Variants in ENOX1 observed in about 807,000 individuals in gnomAD.
The protein encoded by ENOX1 is ecto-NOX disulfide-thiol exchanger 1.
A neutral mutation model predicts 82.5 loss-of-function variants in ENOX1; 42 were observed. The ratio of observed to expected loss-of-function variants is 0.51; its 90% CI spans 0.40 to 0.66. The LOEUF is 0.66. ENOX1 is among the 30% of genes least tolerant of loss of function. The probability of loss-of-function intolerance (pLI) is 0.00; values close to 1 mark genes in which losing one functional copy is unlikely to be tolerated. For missense variants in ENOX1, 608 were observed against 811.6 expected, an observed-to-expected ratio of 0.75 and a Z score of 3.05; for synonymous variants, 271 against 282.2, an observed-to-expected ratio of 0.96 and a Z score of 0.40.
intron 1 of ENOX1, among the ~76,000 whole-genome samples, chr13:43,759,299 T>C (rs1167762372): frequency 6.6e-6 from 1 of 152,040 alleles, no homozygotes; most frequent in Non-Finnish European, 1.5e-5. Context: ...GGTTTCACCA[T>C]GTTGGCCATG....
At chr13:43,376,096 C>T (rs1408627787) in intron 5 of ENOX1, among the ~76,000 whole-genome samples, 1 of 152,192 alleles carries the variant, frequency 6.6e-6, no homozygotes, top group Non-Finnish European at 1.5e-5. Context: ...TTAGCTTGGA[C>T]ATTCATGCCC....
chr13:43,719,128 T>C (rs2088369273), intron 1 of ENOX1, among the ~76,000 whole-genome samples: 2 of 152,170 alleles, frequency 1.3e-5, no homozygotes, highest in Non-Finnish European at 2.9e-5. Flanking sequence ...TAATTCCCAC[T>C]GGCAACCATT....
intron 3 of ENOX1, among the ~76,000 whole-genome samples, chr13:43,471,525 T>C (rs1275523390): frequency 6.6e-6 from 1 of 152,120 alleles, no homozygotes; most frequent in African/African-American, 2.4e-5. Flanking sequence ...TTGAAATGTG[T>C]CCAAGCCAGA....
At chr13:43,228,403 T>G (rs1054949771) in intron 15 of ENOX1, among the ~76,000 whole-genome samples, 3 of 152,042 alleles carry the variant, frequency 2.0e-5, no homozygotes, top group Non-Finnish European at 4.4e-5. Context: ...GGAAAAAAAA[T>G]TTTAAGTGCC....
rs867549530 is a variant in ENOX1, at chr13:43,470,218, G to A, written c.-75+13791C>T. 5.5e-3 allele frequency among the ~76,000 whole-genome samples: 433 copies of A among 78,992 alleles called. 6 individuals carry two copies. The highest frequency in any genetic ancestry group is 0.014 in the African/African-American group (365 of 26,790). 51.8% of individuals were successfully genotyped at this position (78,992 alleles called of 152,430 possible). A position where few individuals can be genotyped will look rare whatever the true frequency, so the allele number is the denominator to read the frequency against. ...TATATATATATGTGTATATATATAT[G>A]TGTGTGTATGTGTGTGTGTGTATAT... On this transcript the variant is annotated intron_variant, in intron 3 of 16. Coordinates refer to ENST00000690772, the MANE Select transcript of ENOX1 (RefSeq NM_001347969.2).
intron 12 of ENOX1, among the ~76,000 whole-genome samples, chr13:43,270,065 C>T (rs1007780439): frequency 2.6e-5 from 4 of 152,134 alleles, no homozygotes; most frequent in Non-Finnish European, 4.4e-5. Context: ...GGACTGAAGT[C>T]CAAACTGCAA....
In ENOX1 at chr13:43,347,871, A is replaced by G. The variant is rs558755910; in HGVS notation, c.824-3121T>C. ...GCAGATGTGCTTTTTCCACTATAAG[A>G]ATTGAGAACGATTGGTATATGATGG... On this transcript the variant is annotated intron_variant, in intron 8 of 16. Transcript: ENST00000690772. 8.5e-5 allele frequency among the ~76,000 whole-genome samples: 13 copies of G among 152,348 alleles called. No individual in the cohort carries two copies. The South Asian group carries it at 2.7e-3, about 32-fold the overall frequency.
intron 3 of ENOX1, among the ~76,000 whole-genome samples, chr13:43,450,646 G>A (rs913350939): frequency 6.6e-6 from 1 of 152,124 alleles, no homozygotes; most frequent in African/African-American, 2.4e-5. Context: ...TATAGGGACG[G>A]TTCCTAGTTA....
At chr13:43,548,642 G>C (rs543381192) in intron 2 of ENOX1, among the ~76,000 whole-genome samples, 108 of 152,302 alleles carry the variant, frequency 7.1e-4, no homozygotes, top group Non-Finnish European at 2.5e-4. Flanking sequence ...ATCTGGCTGG[G>C]TCCACATGCC....
intron 9 of ENOX1, among the ~76,000 whole-genome samples, chr13:43,333,517 G>A (rs1383491709): frequency 6.6e-6 from 1 of 152,232 alleles, no homozygotes; most frequent in Non-Finnish European, 1.5e-5. Context: ...GGAGAGACCT[G>A]GTTTCTGGGG....
At chr13:43,714,489 G>T (rs1475095545) in intron 1 of ENOX1, among the ~76,000 whole-genome samples, 4 of 152,110 alleles carry the variant, frequency 2.6e-5, no homozygotes, top group Admixed American at 1.3e-4. Context: ...CTGTCTCGTT[G>T]ATCTGTCTAA....
At chr13:43,299,453 C>T (rs1208039879) in intron 11 of ENOX1, among the ~76,000 whole-genome samples, 1 of 152,100 alleles carries the variant, frequency 6.6e-6, no homozygotes, top group Non-Finnish European at 1.5e-5. Flanking sequence ...ACTTCATACC[C>T]CCACCAAGCC....
At chr13:43,434,937 GTTTTTTTTTT>G (rs537775258) in intron 3 of ENOX1, among the ~76,000 whole-genome samples, 1 of 75,904 alleles carries the variant, frequency 1.3e-5, no homozygotes, top group Non-Finnish European at 2.5e-5. Context: ...TGTGTGTGTG[GTTTTTTTTTT>G]TTTTTTTTTT....
chr13:43,700,711 G>C (rs1236271785), intron 1 of ENOX1, among the ~76,000 whole-genome samples: 1 of 152,020 alleles, frequency 6.6e-6, no homozygotes, highest in Non-Finnish European at 1.5e-5. Context: ...CCAAAATTCT[G>C]AAAATTATAG....
At chr13:43,521,466 T>A (rs1357793616) in intron 2 of ENOX1, among the ~76,000 whole-genome samples, 3 of 152,050 alleles carry the variant, frequency 2.0e-5, no homozygotes, top group Non-Finnish European at 4.4e-5. Flanking sequence ...CCCGCTCTCA[T>A]CAAGGGGGAC....
At chr13:43,292,405 T>C (rs1176481161) in intron 12 of ENOX1, among the ~76,000 whole-genome samples, 1 of 152,150 alleles carries the variant, frequency 6.6e-6, no homozygotes, top group East Asian at 1.9e-4. Flanking sequence ...ATTATCTGAC[T>C]GGTGGGTATT....
intron 1 of ENOX1, among the ~76,000 whole-genome samples, chr13:43,699,528 T>G (rs184146132): frequency 6.6e-6 from 1 of 152,312 alleles, no homozygotes; most frequent in East Asian, 1.9e-4. Flanking sequence ...ACCATTTCTA[T>G]AGGGAATAAG....
chr13:43,244,398 T>C (rs2153463450), intron 14 of ENOX1, among the ~76,000 whole-genome samples: 1 of 152,294 alleles, frequency 6.6e-6, no homozygotes, highest in Admixed American at 6.5e-5. Flanking sequence ...GCAACAATTC[T>C]GTATAAGACT....
At chr13:43,559,870 A>G (rs565478373) in intron 2 of ENOX1, among the ~76,000 whole-genome samples, 1 of 152,202 alleles carries the variant, frequency 6.6e-6, no homozygotes, top group Admixed American at 6.5e-5. Context: ...AAACTCCTTT[A>G]GTAAAATGCT....
Sources: allele counts gnomAD v4.1 joint callset (sites outside exome capture counted in the v4.1 genomes callset), GRCh38; gene constraint gnomAD v4.1.1; transcripts MANE v1.5; gene names NCBI Gene and HGNC (gene_info 2026-07-23, HGNC 2026-07-21).